STOX2: variants seen among roughly 807,000 people sequenced by gnomAD.
STOX2 encodes storkhead-box protein 2.
Under a neutral mutation model 60.9 loss-of-function variants are expected in STOX2, and 28 were observed. That is an observed-to-expected ratio of 0.46 (90% CI 0.34 to 0.63). The LOEUF (loss-of-function observed/expected upper bound fraction) is 0.63. Ranked by LOEUF, STOX2 falls within the 30% of genes least tolerant of loss-of-function variation. STOX2 has a pLI of 0.01. For synonymous variants in STOX2, 472 were observed against 463.9 expected, an observed-to-expected ratio of 1.02 and a Z score of -0.22; for missense variants, 1,024 against 1,187.7, an observed-to-expected ratio of 0.86 and a Z score of 2.03.
intron 1 of STOX2, among the ~76,000 whole-genome samples, chr4:183,899,915 C>T (rs1002360026): frequency 6.6e-6 from 1 of 152,188 alleles, no homozygotes; most frequent in Non-Finnish European, 1.5e-5. Flanking sequence ...AATGGTACCA[C>T]CTTCAAAGGA....
chr4:183,992,805 T>A (rs1482181654), intron 1 of STOX2, among the ~76,000 whole-genome samples: 1 of 152,220 alleles, frequency 6.6e-6, no homozygotes. Flanking sequence ...TTTATGTACG[T>A]AGGACCTTTT....
chr4:183,839,021 G>A (rs535610820), intron 1 of STOX2, among the ~76,000 whole-genome samples: 86 of 151,430 alleles, frequency 5.7e-4, no homozygotes, highest in African/African-American at 1.5e-3. Context: ...GCACGCGCGC[G>A]CGCACACACA....
intron 1 of STOX2, among the ~76,000 whole-genome samples, chr4:183,893,047 G>A (rs1021128344): frequency 2.6e-5 from 4 of 152,058 alleles, no homozygotes. Flanking sequence ...GATATCCTTC[G>A]GAAACCAGTC....
chr4:183,926,796 AT>A (rs1742253983), intron 1 of STOX2, among the ~76,000 whole-genome samples: 4 of 151,708 alleles, frequency 2.6e-5, no homozygotes, highest in Admixed American at 2.6e-4. Context: ...TAATTTTTGT[AT>A]TTTTAGTAGA....
intron 1 of STOX2, among the ~76,000 whole-genome samples, chr4:183,893,533 T>A (rs1223170875): frequency 6.6e-6 from 1 of 152,190 alleles, no homozygotes; most frequent in Non-Finnish European, 1.5e-5. Flanking sequence ...GCAACAGATC[T>A]TGAGTCTTCA....
At chr4:183,954,546 C>G (rs1052467718) in intron 1 of STOX2, among the ~76,000 whole-genome samples, 12 of 152,186 alleles carry the variant, frequency 7.9e-5, no homozygotes, top group Admixed American at 4.6e-4. Flanking sequence ...CCTCGGCCTC[C>G]CAAAGTGCTG....
intron 1 of STOX2, among the ~76,000 whole-genome samples, chr4:183,886,136 T>TTGCTGGATGGTGTAGGCAGA: frequency 1.1e-5 from 1 of 94,282 alleles, no homozygotes; most frequent in African/African-American, 3.3e-5. Context: ...GTTCAGATGG[T>TTGCTGGATGGTGTAGGCAGA]TGTTGGATGG....
At chr4:183,939,323 G>A (rs1021587135) in intron 1 of STOX2, among the ~76,000 whole-genome samples, 1 of 152,140 alleles carries the variant, frequency 6.6e-6, no homozygotes, top group Non-Finnish European at 1.5e-5. Context: ...GTCCTCCTTC[G>A]TCTGTGGCTG....
Position 183,825,592 on chromosome 4 carries a change from C to G in STOX2, c.364+27537C>G, listed in dbSNP as rs958197466. On this transcript the variant is annotated intron_variant, in intron 1 of 2. Transcript: ENST00000513034. The surrounding 1 kb of genome is among the most constrained non-coding windows in gnomAD (Gnocchi z 4.1). ...CTCTGTCCTGCCAACGTGGGTGCAG[C>G]GCCCGACCCCTCCCTGCCCGTCCTC... 3.3e-5 allele frequency among the ~76,000 whole-genome samples: 5 copies of G among 152,162 alleles called. No individual in the cohort carries two copies. The highest frequency in any genetic ancestry group is 1.2e-4 in the African/African-American group (5 of 41,426).
chr4:183,913,881 T>C (rs957443161), intron 1 of STOX2, among the ~76,000 whole-genome samples: 1 of 152,238 alleles, frequency 6.6e-6, no homozygotes, highest in Non-Finnish European at 1.5e-5. Flanking sequence ...TATGTCCACA[T>C]ACCACCTAAC....
At position 183,825,023 on chromosome 4, in the gene STOX2, C is replaced by T. The variant is rs186569381; in HGVS notation, c.364+26968C>T. 3.6e-4 allele frequency among the ~76,000 whole-genome samples: 55 copies of T among 152,348 alleles called. No homozygotes were observed. The highest frequency in any genetic ancestry group is 2.0e-4 in the Admixed American group (3 of 15,304). On this transcript the variant is annotated intron_variant, in intron 1 of 2. Transcript: ENST00000513034. The surrounding 1 kb of genome is among the most constrained non-coding windows in gnomAD (Gnocchi z 4.1). The stretch of plus-strand genomic sequence containing the variant: ...AATGTCCCCATGTCCCCTATCTCCT[C>T]ACACAATCTTGGGCTTGGGGATCGG...
At chr4:183,930,539 C>A (rs1316193358) in intron 1 of STOX2, among the ~76,000 whole-genome samples, 1 of 149,274 alleles carries the variant, frequency 6.7e-6, no homozygotes, top group Admixed American at 6.7e-5. Flanking sequence ...TGTATTTTTC[C>A]TAGAGACGGA....
At chr4:183,803,510 GT>G (rs756170587) in intron 1 of STOX2, among the ~76,000 whole-genome samples, 17 of 152,190 alleles carry the variant, frequency 1.1e-4, no homozygotes, top group Non-Finnish European at 1.8e-4. Flanking sequence ...CTTAACAATT[GT>G]TTTAAAGCCT....
At chr4:183,875,536 C>G (rs57414336) in intron 1 of STOX2, among the ~76,000 whole-genome samples, 19,371 of 152,184 alleles carry the variant, frequency 0.13, 1,439 homozygotes, top group African/African-American at 0.19. Flanking sequence ...TGTGGGAGCC[C>G]GAGGCCTGGT....
chr4:183,818,092 T>G (rs1371145380), intron 1 of STOX2, among the ~76,000 whole-genome samples: 2 of 149,718 alleles, frequency 1.3e-5, no homozygotes, highest in Non-Finnish European at 2.9e-5. Context: ...TTTTCTTTTT[T>G]TTTTAGTATA....
At chr4:183,876,239 G>A (rs901341329) in intron 1 of STOX2, among the ~76,000 whole-genome samples, 2 of 152,174 alleles carry the variant, frequency 1.3e-5, no homozygotes, top group African/African-American at 2.4e-5. Context: ...ACTCCCAGGC[G>A]GTCTGATGCA....
In STOX2 at chr4:183,874,885, C is replaced by G. The variant is rs1336435245; in HGVS notation, c.364+76830C>G. Among the ~76,000 whole-genome samples, 14 of 125,872 alleles carry G rather than the reference C, an allele frequency of 1.1e-4. No individual in the cohort carries two copies. In the Admixed American group the frequency reaches 1.3e-3, roughly 12 times the overall value. The allele number at this position is 125,872 out of a possible 152,430, so 82.6% of individuals were successfully genotyped here. On this transcript the variant is annotated intron_variant, in intron 1 of 2. Coordinates refer to the STOX2 transcript ENST00000513034. ...AGCTTGCAGTGAGCCAAGATCATGC[C>G]ACTGCACTCCAGCCTGGGCGATGGC...
At chr4:183,883,621 G>T (rs1475885018) in intron 1 of STOX2, among the ~76,000 whole-genome samples, 2 of 151,526 alleles carry the variant, frequency 1.3e-5, no homozygotes, top group Non-Finnish European at 2.9e-5. Context: ...TGGCCGACCT[G>T]TTATAAATAT....
At chr4:183,977,546 C>CGTGTGTGTGTGTGT (rs56043761) in intron 1 of STOX2, among the ~76,000 whole-genome samples, 3,841 of 147,872 alleles carry the variant, frequency 0.026, 176 homozygotes, top group African/African-American at 0.087. Context: ...CATTCCATTT[C>CGTGTGTGTGTGTGT]GTGTGTGTGT....
Sources: gnomAD v4.1 joint callset for allele counts (sites outside exome capture counted in the v4.1 genomes callset) on GRCh38, gnomAD v4.1.1 for gene constraint, Gnocchi (gnomAD v3.1) non-coding constraint, MANE v1.5 for transcripts, NCBI Gene and HGNC (gene_info 2026-07-23, HGNC 2026-07-21) for gene names.